Variants in CRPPA observed in about 807,000 individuals in gnomAD.
The protein encoded by CRPPA is CDP-L-ribitol pyrophosphorylase A.
In CRPPA, 43 loss-of-function variants were observed where a neutral mutation model predicts 52.0. The observed-to-expected ratio is 0.83, with a 90% CI of 0.65 to 1.07. The LOEUF is 1.07. Among genes scored for constraint, CRPPA ranks in the 50% least tolerant of loss-of-function variants. CRPPA has a pLI of 0.00. For missense variants in CRPPA, 629 were observed against 551.7 expected (o/e 1.14, Z -1.40); for synonymous variants, 250 against 203.5 (o/e 1.23, Z -1.94).
intron 8 of CRPPA, among the ~76,000 whole-genome samples, chr7:16,240,731 C>A (rs1783082596): frequency 6.6e-6 from 1 of 152,024 alleles, no homozygotes; most frequent in African/African-American, 2.4e-5. Flanking sequence ...GAACTTGTGC[C>A]TTGAAAACAC....
intron 9 of CRPPA, among the ~76,000 whole-genome samples, chr7:16,163,118 C>T (rs372182203): frequency 8.6e-5 from 13 of 151,680 alleles, no homozygotes; most frequent in Non-Finnish European, 1.5e-4. Flanking sequence ...GGACTACAGG[C>T]GCCTGCCACC....
At chr7:16,187,907 A>C (rs985433392) in intron 9 of CRPPA, among the ~76,000 whole-genome samples, 3 of 152,154 alleles carry the variant, frequency 2.0e-5, no homozygotes, top group African/African-American at 7.2e-5. Context: ...ATTGATGATG[A>C]ATAAAACATC....
At chr7:16,336,033 G>A (rs1373825292) in intron 3 of CRPPA, among the ~76,000 whole-genome samples, 1 of 152,128 alleles carries the variant, frequency 6.6e-6, no homozygotes, top group Admixed American at 6.5e-5. Flanking sequence ...CTTCTGAACT[G>A]AAAGATAATT....
intron 9 of CRPPA, among the ~76,000 whole-genome samples, chr7:16,164,511 G>C (rs189612979): frequency 3.7e-4 from 57 of 152,278 alleles, no homozygotes; most frequent in African/African-American, 1.3e-3. Flanking sequence ...ACTTCTGTCA[G>C]TTCATCAAAC....
In CRPPA at chr7:16,224,851, G is replaced by A. The variant is rs189463905; in HGVS notation, c.1120-8654C>T. Among the ~76,000 whole-genome samples, 742 of 152,162 alleles carry A rather than the reference G, an allele frequency of 4.9e-3. 8 individuals are homozygous for A. Among genetic ancestry groups the A allele is most frequent in the Non-Finnish European group, 5.4e-3 (368 of 67,976 alleles). On this transcript the variant is annotated intron_variant, in intron 8 of 9. Coordinates refer to ENST00000407010, the MANE Select transcript of CRPPA (RefSeq NM_001101426.4). ...TCCATTAATTAATTTAATAAGCTAC[G>A]CTTAAAATAAGCTTCTAATAGTGAA... is the stretch of plus-strand genomic sequence containing the variant.
intron 2 of CRPPA, among the ~76,000 whole-genome samples, chr7:16,389,920 A>ATATATATATAT (rs1325768493): frequency 1.2e-4 from 8 of 65,024 alleles, no homozygotes; most frequent in Non-Finnish European, 2.0e-4. Context: ...ATACAAAAAA[A>ATATATATATAT]AAAAAAAAAT....
intron 9 of CRPPA, among the ~76,000 whole-genome samples, chr7:16,096,820 T>C (rs1781943546): frequency 6.6e-6 from 1 of 152,168 alleles, no homozygotes; most frequent in African/African-American, 2.4e-5. Context: ...AACAGTATAC[T>C]CTTCAGTAGT....
rs545608181 is a variant in CRPPA, at chr7:16,281,617, A to T, written c.836-3391T>A. The stretch of plus-strand genomic sequence containing the variant: ...CATTAAGTAATTATACTATTCGCAC[A>T]TAATGAGTTGGTAAGTGTTTTTCCT... On this transcript the variant is annotated intron_variant, in intron 5 of 9. Transcript: ENST00000407010. Among the ~76,000 whole-genome samples the T allele has an allele frequency of 3.3e-5, 5 of 152,358 alleles. No individual in the cohort carries two copies. The South Asian group carries it at 8.3e-4, about 25-fold the overall frequency.
intron 3 of CRPPA, among the ~76,000 whole-genome samples, chr7:16,371,936 C>T (rs10249463): frequency 0.16 from 24,104 of 151,790 alleles, 2,933 homozygotes; most frequent in African/African-American, 0.34. Flanking sequence ...GTTTCAACAA[C>T]AGACTAGAAG....
intron 2 of CRPPA, among the ~76,000 whole-genome samples, chr7:16,400,757 T>C (rs960211407): frequency 2.6e-5 from 4 of 152,198 alleles, no homozygotes; most frequent in Non-Finnish European, 4.4e-5. Flanking sequence ...ACATGACCAA[T>C]ATGTGTGATG....
intron 9 of CRPPA, among the ~76,000 whole-genome samples, chr7:16,181,715 A>G (rs1456190020): frequency 6.6e-6 from 1 of 152,058 alleles, no homozygotes; most frequent in African/African-American, 2.4e-5. Context: ...TAATTCAAGG[A>G]TATTTCACAA....
intron 3 of CRPPA, among the ~76,000 whole-genome samples, chr7:16,326,264 A>G (rs1323449602): frequency 6.6e-6 from 1 of 152,208 alleles, no homozygotes. Flanking sequence ...TTAAACAGAC[A>G]TCTAACAGAC....
chr7:16,258,149 T>C (rs556810267), intron 8 of CRPPA, among the ~76,000 whole-genome samples: 1 of 152,154 alleles, frequency 6.6e-6, no homozygotes, highest in East Asian at 1.9e-4. Flanking sequence ...GAAAAAAATA[T>C]GAAATTGGTT....
chr7:16,218,024 T>A (rs967678623), intron 8 of CRPPA, among the ~76,000 whole-genome samples: 6 of 151,474 alleles, frequency 4.0e-5, no homozygotes, highest in Non-Finnish European at 7.4e-5. Context: ...GGAAAAAATG[T>A]TAAGGGCAGC....
At chr7:16,294,790 G>A (rs1009232518) in intron 5 of CRPPA, among the ~76,000 whole-genome samples, 3 of 151,840 alleles carry the variant, frequency 2.0e-5, no homozygotes, top group Admixed American at 6.6e-5. Flanking sequence ...TGTTATCCCT[G>A]GGTATTTAAC....
intron 3 of CRPPA, among the ~76,000 whole-genome samples, chr7:16,356,112 GA>G (rs200803448): frequency 2.5e-4 from 38 of 149,464 alleles, no homozygotes; most frequent in Admixed American, 6.0e-4. Context: ...CCAAAATCAT[GA>G]AAAAAAAATG....
intron 9 of CRPPA, among the ~76,000 whole-genome samples, chr7:16,154,101 C>T (rs2041347): frequency 0.93 from 140,922 of 150,754 alleles, 65,960 homozygotes; most frequent in African/African-American, 0.94. Flanking sequence ...AATAAATAAC[C>T]TGACGTTAGC....
At chr7:16,308,730 G>A (rs1784971026) in intron 3 of CRPPA, 103 bp from the exon 4 acceptor site, 1 of 715,304 alleles carries the variant, frequency 1.4e-6, no homozygotes, top group South Asian at 1.7e-5. Flanking sequence ...AAGGGCCTAG[G>A]GGGCTCAAAC....
intron 9 of CRPPA, among the ~76,000 whole-genome samples, chr7:16,208,218 T>A (rs1383979040): frequency 6.6e-6 from 1 of 152,202 alleles, no homozygotes; most frequent in African/African-American, 2.4e-5. Flanking sequence ...CCTTTTGTTA[T>A]GACATGAGTT....
Sources: gnomAD v4.1 joint callset for allele counts (sites outside exome capture counted in the v4.1 genomes callset) on GRCh38, gnomAD v4.1.1 for gene constraint, MANE v1.5 for transcripts, NCBI Gene and HGNC (gene_info 2026-07-23, HGNC 2026-07-21) for gene names.